The following PRDM4 variants were observed in gnomAD, a reference collection of about 807,000 sequenced individuals.
PRDM4 encodes PR domain zinc finger protein 4.
PRDM4 carries 38 observed loss-of-function variants against 62.3 expected under a neutral mutation model. The ratio of observed to expected loss-of-function variants is 0.61; its 90% CI spans 0.47 to 0.80. The LOEUF is 0.80. Among genes scored for constraint, PRDM4 ranks in the 30% least tolerant of loss-of-function variants. The pLI is 0.00. For missense variants in PRDM4, 858 were observed against 997.1 expected (o/e 0.86, Z 1.88); for synonymous variants, 339 against 348.2 (o/e 0.97, Z 0.30).
chr12:107,751,640 C>G lies in PRDM4; in HGVS notation c.901G>C (p.Val301Leu), dbSNP rs199995389. The change falls in exon 5 of 12, where the codon GTG becomes CTG. Residue 301 changes from valine to leucine, a missense_variant. By Grantham distance (32) the Val-to-Leu change is conservative. This residue lies in a region of PRDM4 where 499 missense variants were observed against 546.7 expected (regional missense o/e 0.91). Coordinates refer to ENST00000228437, the MANE Select transcript of PRDM4 (RefSeq NM_012406.4). Reference protein sequence around the residue: ...TVAMSTNSVSVALSTSHNLAS... With the variant: ...TVAMSTNSVSLALSTSHNLAS... ...AGGTTGTGTGAGGTAGAGAGTGCCA[C>G]GCTTACAGAGTTGGTGCTCATGGCC... 1.2e-6 allele frequency: 2 copies of G among 1,614,068 alleles called. No homozygotes were observed. The highest frequency in any genetic ancestry group is 4.5e-5 in the East Asian group (2 of 44,882).
Position 107,760,446 on chromosome 12 carries a change from A to G in PRDM4, c.11+59T>C. The G allele has an allele frequency of 5.6e-6, 9 of 1,607,024 alleles. No individual in the cohort carries two copies. The South Asian group carries it at 1.0e-4, about 18-fold the overall frequency. On this transcript the variant is annotated intron_variant, in intron 2 of 11. Coordinates refer to ENST00000228437, the MANE Select transcript of PRDM4 (RefSeq NM_012406.4). ...AAAAACAACGGCACTGACCCTGGAC[A>G]CTCACTCGCCAGAGTTTCCAACGAT...
At chr12:107,736,625 A>C (rs1323136730) in intron 11 of PRDM4, 1 of 152,298 alleles carries the variant, frequency 6.6e-6, no homozygotes, top group Non-Finnish European at 1.5e-5. Flanking sequence ...GAGATGTATG[A>C]GTGGAGACAG....
In PRDM4 at chr12:107,739,386, G is replaced by A. The variant is rs777846106; in HGVS notation, c.2090C>T (p.Thr697Ile). ...TCTTGGCTGCAGGGTAACTTACTGA[G>A]TGTGGATGAGCACGTGCTGCTTGAG... Reference protein sequence around the residue: ...QDLKQHVLIHTQERQIKCPKC... With the variant: ...QDLKQHVLIHIQERQIKCPKC... Residue 697 changes from threonine to isoleucine, a missense_variant, in exon 11 of 12, where the codon ACT becomes ATT. Physicochemically the swap from Thr to Ile is moderately conservative, Grantham distance 89. This residue lies in a region of PRDM4 where 355 missense variants were observed against 432.6 expected (regional missense o/e 0.82). Transcript: ENST00000228437. The A allele has an allele frequency of 5.0e-5, 81 of 1,612,880 alleles. No individual in the cohort carries two copies. The highest frequency in any genetic ancestry group is 6.7e-5 in the Non-Finnish European group (79 of 1,179,582).
In PRDM4 at chr12:107,754,603, G is replaced by A. The variant is rs542273075; in HGVS notation, c.146-494C>T. Among the ~76,000 whole-genome samples the A allele has an allele frequency of 5.9e-5, 9 of 152,140 alleles. No homozygotes were observed. The South Asian group carries it at 1.7e-3, about 28-fold the overall frequency. ...TCACCATGTTGGCCAGGCTGGTCTCGAACTCCTGGCCTCAAGTGATCTGCC... is the reference window on the plus strand; with the variant it reads ...TCACCATGTTGGCCAGGCTGGTCTCAAACTCCTGGCCTCAAGTGATCTGCC... On this transcript the variant is annotated intron_variant, in intron 3 of 11. Coordinates refer to ENST00000228437, the MANE Select transcript of PRDM4 (RefSeq NM_012406.4).
intron 5 of PRDM4, among the ~76,000 whole-genome samples, chr12:107,749,380 A>C (rs1890821242): frequency 7.0e-6 from 1 of 142,628 alleles, no homozygotes; most frequent in Admixed American, 7.2e-5. Flanking sequence ...TACCCTACCT[A>C]CTTAGTTTCT....
Position 107,742,294 on chromosome 12 carries a change from G to A in PRDM4, c.1536C>T (p.Phe512=), listed in dbSNP as rs747856126. ...VAYPHDGKIF[F]CTSQDIPPEN... ...CAGGAGGGATATCTTGTGAGGTGCA[G>A]AAAAAGATTTTTCCATCATGAGGAT... The change falls in exon 9 of 12, where the codon TTC becomes TTT. Residue 512 remains phenylalanine, a synonymous_variant. Transcript: ENST00000228437. 2.2e-5 allele frequency: 35 copies of A among 1,613,430 alleles called. No individual in the cohort carries two copies. Among genetic ancestry groups the A allele is most frequent in the Non-Finnish European group, 3.0e-5 (35 of 1,179,608 alleles).
In PRDM4 at chr12:107,733,505, T is replaced by C. The variant is rs1267232107; in HGVS notation, c.*705A>G. 1 of 152,274 alleles carries C rather than the reference T, an allele frequency of 6.6e-6. No homozygotes were observed. The highest frequency in any genetic ancestry group is 2.4e-5 in the African/African-American group (1 of 41,456). 9.4% of individuals were successfully genotyped at this position (152,274 alleles called of 1,614,324 possible). On this transcript the variant is annotated 3_prime_UTR_variant, in exon 12 of 12. Transcript: ENST00000228437. ...CTCCACGTTACAATAACCAGGTGAC[T>C]TGCTCAGGCTTCCATCAAAGCTAAT... is the stretch of plus-strand genomic sequence containing the variant.
chr12:107,742,150 T>C, intron 9 of PRDM4, 71 bp downstream of exon 9: 1 of 1,486,858 alleles, frequency 6.7e-7, no homozygotes, highest in Non-Finnish European at 9.1e-7. Context: ...TGTAAATCAT[T>C]ACCAAAACTT....
chr12:107,743,378 G>T, intron 7 of PRDM4, 96 bp from the exon 8 acceptor site: 1 of 827,248 alleles, frequency 1.2e-6, no homozygotes, highest in Middle Eastern at 2.3e-4. Context: ...TTACTCATTT[G>T]CAGTAGGTCC....
chr12:107,751,655 T>C lies in PRDM4; in HGVS notation c.886A>G (p.Thr296Ala), dbSNP rs762007188. ...GAGAGTGCCACGCTTACAGAGTTGG[T>C]GCTCATGGCCACAGTGTGAATGGAG... The part of the protein sequence containing the change: ...SDSIHTVAMS[T>A]NSVSVALSTS... The change falls in exon 5 of 12, where the codon ACC (threonine) becomes GCC (alanine). Residue 296 changes from threonine to alanine, a missense_variant. Coordinates refer to ENST00000228437, the MANE Select transcript of PRDM4 (RefSeq NM_012406.4). 9.9e-6 allele frequency: 16 copies of C among 1,614,166 alleles called. No individual in the cohort carries two copies. The Admixed American group carries it at 2.7e-4, about 27-fold the overall frequency.
rs953847216 is a variant in PRDM4, at chr12:107,756,903, T to C, written c.74A>G (p.Asn25Ser). ...GTGACTTCCTGAGACTGGCAAGGCA[T>C]TGCTCACAGAGGATGAAGTCAGCTG... ...MEQLTSSSVS[N>S]ALPVSGSHLG... is the part of the protein sequence containing the mutation. The change falls in exon 3 of 12, where the codon AAT (asparagine) becomes AGT (serine). Residue 25 changes from asparagine to serine, a missense_variant. Around this residue, in one of 3 missense-constraint regions of PRDM4, gnomAD observed 499 missense variants for 546.7 expected, o/e 0.91. Coordinates refer to ENST00000228437, the MANE Select transcript of PRDM4 (RefSeq NM_012406.4). 4 of 1,614,060 alleles carry C rather than the reference T, an allele frequency of 2.5e-6. No homozygotes were observed. Among genetic ancestry groups the C allele is most frequent in the South Asian group, 1.1e-5 (1 of 91,072 alleles).
chr12:107,736,012 T>A (rs569341226), intron 11 of PRDM4, among the ~76,000 whole-genome samples: 1 of 152,264 alleles, frequency 6.6e-6, no homozygotes, highest in East Asian at 1.9e-4. Flanking sequence ...ATGGGAAACA[T>A]CATGTGCATA....
intron 8 of PRDM4, chr12:107,742,719 C>T (rs2136314551): frequency 8.3e-6 from 2 of 240,380 alleles, no homozygotes; most frequent in Middle Eastern, 2.9e-3. Context: ...AAAAGGCACC[C>T]ACTTTCAAAT....
In PRDM4 at chr12:107,733,384, A is replaced by G. The variant is rs981402652; in HGVS notation, c.*826T>C. 7.4e-6 allele frequency: 1 copy of G among 134,974 alleles called. No individual in the cohort carries two copies. Among genetic ancestry groups the G allele is most frequent in the Non-Finnish European group, 1.8e-5 (1 of 56,354 alleles). 8.4% of individuals were successfully genotyped at this position (134,974 alleles called of 1,614,324 possible). On this transcript the variant is annotated 3_prime_UTR_variant, in exon 12 of 12. Transcript: ENST00000228437. ...TGTACTCATCAGGAGACAATCCAGC[A>G]GGCATTATTTGGGCTCTCTGTATCT...
intron 10 of PRDM4, among the ~76,000 whole-genome samples, chr12:107,740,045 C>T (rs2136311649): frequency 6.6e-6 from 1 of 152,232 alleles, no homozygotes; most frequent in African/African-American, 2.4e-5. Flanking sequence ...GTCAGCAAAC[C>T]TTCTCTTAAA....
chr12:107,760,416 G>C (rs1593180492), intron 2 of PRDM4, 89 bp downstream of exon 2: 1 of 1,534,238 alleles, frequency 6.5e-7, no homozygotes, highest in East Asian at 2.3e-5. Context: ...CTTCTCAATG[G>C]CACCAAAAAC....
intron 3 of PRDM4, 102 bp downstream of exon 3, chr12:107,756,729 TC>T: frequency 7.2e-7 from 1 of 1,386,792 alleles, no homozygotes; most frequent in Non-Finnish European, 9.8e-7. Context: ...CCTTCTCCCT[TC>T]TACCTTCTAC....
intron 8 of PRDM4, 109 bp downstream of exon 8, chr12:107,743,088 C>T: frequency 1.1e-6 from 1 of 878,798 alleles, no homozygotes; most frequent in Admixed American, 2.1e-5. Context: ...TAAGTATGTC[C>T]AGGTGTTGGT....
At chr12:107,737,546 G>A (rs1890372391) in intron 11 of PRDM4, among the ~76,000 whole-genome samples, 2 of 152,208 alleles carry the variant, frequency 1.3e-5, no homozygotes, top group Admixed American at 6.5e-5. Context: ...GATAGAGGCT[G>A]ATATCGACTT....
Sources: allele counts gnomAD v4.1 joint callset (sites outside exome capture counted in the v4.1 genomes callset), GRCh38; gene constraint gnomAD v4.1.1; regional missense constraint gnomAD v4.1.1; transcripts MANE v1.5; gene names NCBI Gene and HGNC (gene_info 2026-07-23, HGNC 2026-07-21).